WWTR1: variants seen among roughly 807,000 people sequenced by gnomAD.
WWTR1 encodes the protein WW domain-containing transcription regulator protein 1.
WWTR1 carries 13 observed loss-of-function variants against 40.1 expected under a neutral mutation model. The ratio of observed to expected loss-of-function variants is 0.32; its 90% CI spans 0.21 to 0.52. The LOEUF (loss-of-function observed/expected upper bound fraction) is 0.52. Among genes scored for constraint, WWTR1 ranks in the 20% least tolerant of loss-of-function variants. The probability of loss-of-function intolerance (pLI) is 0.97; values close to 1 mark genes in which losing one functional copy is unlikely to be tolerated. For missense variants in WWTR1, 436 were observed against 523.1 expected (o/e 0.83, Z 1.63); for synonymous variants, 230 against 210.1 (o/e 1.09, Z -0.82).
At chr3:149,650,348 A>G (rs1712793851) in intron 2 of WWTR1, among the ~76,000 whole-genome samples, 1 of 152,162 alleles carries the variant, frequency 6.6e-6, no homozygotes, top group Non-Finnish European at 1.5e-5. Flanking sequence ...CAGAGTTCTA[A>G]TCCCATCTCT....
intron 2 of WWTR1, among the ~76,000 whole-genome samples, chr3:149,598,806 C>T (rs1739115323): frequency 6.6e-6 from 1 of 152,138 alleles, no homozygotes; most frequent in South Asian, 2.1e-4. Flanking sequence ...TAAGCATAAG[C>T]TTTTCTCAAT....
chr3:149,545,333 T>G (rs1736315331), intron 3 of WWTR1, among the ~76,000 whole-genome samples: 1 of 152,192 alleles, frequency 6.6e-6, no homozygotes, highest in Non-Finnish European at 1.5e-5. Context: ...GGAAGAATGA[T>G]AATTATTTCA....
upstream of WWTR1, chr3:149,659,331 A>ATTTTTTTTTTTTTTTTTTTTTTTT (rs71138403): frequency 7.5e-5 from 8 of 106,466 alleles, 2 homozygotes; most frequent in African/African-American, 2.7e-4. Context: ...TTGTGCCTTA[A>ATTTTTTTTTTTTTTTTTTTTTTTT]TTTTTTTTTT....
At chr3:149,669,766 AT>A (rs1713995617) in intron 2 of WWTR1, 1 of 149,364 alleles carries the variant, frequency 6.7e-6, no homozygotes, top group East Asian at 2.0e-4. Context: ...AGAAAAAAAA[AT>A]GAATAAAAAT....
At chr3:149,521,026 C>T (rs1381667559) in intron 6 of WWTR1, 37 bp from the exon 7 acceptor site, 1 of 1,536,566 alleles carries the variant, frequency 6.5e-7, no homozygotes, top group Admixed American at 2.1e-5. Flanking sequence ...TTAATTCCTT[C>T]TTTTAGGCTC....
chr3:149,722,624 C>T (rs1289707554), intron 4 of WWTR1, among the ~76,000 whole-genome samples: 1 of 152,078 alleles, frequency 6.6e-6, no homozygotes, highest in Non-Finnish European at 1.5e-5. Flanking sequence ...CTTCCCCTTT[C>T]TCTCTCTGTT....
intron 2 of WWTR1, among the ~76,000 whole-genome samples, chr3:149,643,125 TTTACC>T (rs1712281635): frequency 6.6e-6 from 1 of 152,248 alleles, no homozygotes; most frequent in African/African-American, 2.4e-5. Flanking sequence ...ACATGTTTTA[TTTACC>T]TTATATTGTG....
chr3:149,554,044 C>A (rs1284899774), intron 3 of WWTR1, among the ~76,000 whole-genome samples: 2 of 152,070 alleles, frequency 1.3e-5, no homozygotes, highest in Non-Finnish European at 2.9e-5. Context: ...TATTAGCCAT[C>A]CAACAAGGTC....
chr3:149,531,606 A>G (rs1244983665), intron 4 of WWTR1, among the ~76,000 whole-genome samples: 2 of 151,848 alleles, frequency 1.3e-5, no homozygotes, highest in Non-Finnish European at 2.9e-5. Flanking sequence ...GTGTTCCTCG[A>G]GTCTTCCTAA....
At chr3:149,673,277 C>T (rs1011246656) in intron 1 of WWTR1, among the ~76,000 whole-genome samples, 1 of 152,008 alleles carries the variant, frequency 6.6e-6, no homozygotes, top group African/African-American at 2.4e-5. Flanking sequence ...TTGACTATCA[C>T]TGGAAAAATA....
chr3:149,700,594 A>AAAATT (rs147804619), intron 1 of WWTR1, among the ~76,000 whole-genome samples: 3,768 of 151,884 alleles, frequency 0.025, 162 homozygotes, highest in African/African-American at 0.085. Flanking sequence ...AAAAGACAAA[A>AAAATT]AAATTAAATT....
At chr3:149,661,664 T>C (rs1252748258), upstream of WWTR1, among the ~76,000 whole-genome samples, 1 of 151,700 alleles carries the variant, frequency 6.6e-6, no homozygotes, top group African/African-American at 2.4e-5. Flanking sequence ...TCTCAAGTGA[T>C]CCGCCCACCT....
Position 149,723,388 on chromosome 3 carries a change from G to A in WWTR1, n.459+692C>T, listed in dbSNP as rs547891910. Among the ~76,000 whole-genome samples the A allele has an allele frequency of 4.8e-4, 73 of 151,618 alleles. 1 individual carries two copies. The highest frequency in any genetic ancestry group is 4.1e-3 in the Admixed American group (63 of 15,238). Reference sequence around the variant, plus strand: ...TTTTTAGTAGAGACGGGGTTTCTCCGTGTTGGTCAGGCTGGTCTTAAACTC... The same window carrying A: ...TTTTTAGTAGAGACGGGGTTTCTCCATGTTGGTCAGGCTGGTCTTAAACTC... On this transcript the variant is annotated intron_variant and non_coding_transcript_variant, in intron 4 of 6. Transcript: ENST00000474080.
At chr3:149,686,961 C>G (rs752858341) in intron 1 of WWTR1, among the ~76,000 whole-genome samples, 5 of 152,140 alleles carry the variant, frequency 3.3e-5, no homozygotes, top group Non-Finnish European at 7.3e-5. Flanking sequence ...ACTCTGTCGT[C>G]CAACTACCTC....
intron 4 of WWTR1, among the ~76,000 whole-genome samples, chr3:149,541,695 C>CAGAT (rs1273858027): frequency 6.6e-6 from 1 of 152,010 alleles, no homozygotes; most frequent in Non-Finnish European, 1.5e-5. Flanking sequence ...AAATTGGCAA[C>CAGAT]TTCTACTTCC....
At position 149,721,785 on chromosome 3, in the gene WWTR1, A is replaced by G. The variant is rs532504769; in HGVS notation, n.459+2295T>C. 1.7e-4 allele frequency among the ~76,000 whole-genome samples: 26 copies of G among 152,190 alleles called. No homozygotes were observed. The South Asian group carries it at 5.0e-3, about 29-fold the overall frequency. On this transcript the variant is annotated intron_variant and non_coding_transcript_variant, in intron 4 of 6. Transcript: ENST00000474080. The stretch of plus-strand genomic sequence containing the variant: ...TCTTATGTTGCCCAGGCTGGTCTTG[A>G]ACTCCTGGGCTCAAACGATCCTGTC...
chr3:149,662,790 C>T (rs1713641694), upstream of WWTR1, among the ~76,000 whole-genome samples: 1 of 152,164 alleles, frequency 6.6e-6, no homozygotes, highest in Non-Finnish European at 1.5e-5. Flanking sequence ...CTTTCTGACC[C>T]TGGTTCTTAC....
chr3:149,538,757 T>G (rs924405295), intron 4 of WWTR1, among the ~76,000 whole-genome samples: 4 of 152,220 alleles, frequency 2.6e-5, no homozygotes, highest in Non-Finnish European at 5.9e-5. Context: ...TCAGTTCCAG[T>G]AATGAAAGTC....
intron 2 of WWTR1, among the ~76,000 whole-genome samples, chr3:149,641,920 C>T (rs1157249949): frequency 6.6e-6 from 1 of 152,126 alleles, no homozygotes; most frequent in Non-Finnish European, 1.5e-5. Flanking sequence ...CAAATGCAGA[C>T]ATGCAAGATC....
Sources: gnomAD v4.1 joint callset for allele counts (sites outside exome capture counted in the v4.1 genomes callset) on GRCh38, gnomAD v4.1.1 for gene constraint, MANE v1.5 for transcripts, NCBI Gene and HGNC (gene_info 2026-07-23, HGNC 2026-07-21) for gene names.